Variants in MEIS2 observed in about 807,000 individuals in gnomAD.
MEIS2 encodes the protein homeobox protein Meis2.
MEIS2 carries 9 observed loss-of-function variants against 58.6 expected under a neutral mutation model. The observed-to-expected ratio is 0.15, with a 90% CI of 0.09 to 0.27. MEIS2 has a LOEUF of 0.27. Ranked by LOEUF, MEIS2 falls within the 10% of genes least tolerant of loss-of-function variation. The pLI, the probability that MEIS2 is intolerant of heterozygous loss-of-function variation, is 1.00. For synonymous variants in MEIS2, 221 were observed against 228.4 expected (o/e 0.97, Z 0.29); for missense variants, 427 against 635.0 (o/e 0.67, Z 3.52).
intron 8 of MEIS2, among the ~76,000 whole-genome samples, chr15:36,960,700 T>C (rs1238802888): frequency 1.3e-5 from 2 of 152,128 alleles, no homozygotes; most frequent in Non-Finnish European, 2.9e-5. Context: ...ACGAACACCC[T>C]AAGAAAGGCA....
rs563837365 is a variant in MEIS2 at position 36,981,043 on chromosome 15, T to C, written c.901-30643A>G. Among the ~76,000 whole-genome samples, 10 of 152,324 alleles carry C rather than the reference T, an allele frequency of 6.6e-5. No individual in the cohort carries two copies. In the East Asian group the frequency reaches 1.7e-3, roughly 26 times the overall value. On this transcript the variant is annotated intron_variant, in intron 8 of 11. Coordinates refer to ENST00000561208, the MANE Select transcript of MEIS2 (RefSeq NM_170675.5). ...TTCTCCTCAAAATCTTCTTTTAAGA[T>C]TCTGATGTGTAGATTGAGAAAAATT... is the stretch of plus-strand genomic sequence containing the variant.
Position 37,098,113 on chromosome 15 carries a change from G to C in MEIS2, c.99C>G (p.Ile33Met), listed in dbSNP as rs749233162. ...MYGDPHAPRP[I>M]PPVHHLNHGP... ...CGTGGTTCAGGTGGTGAACCGGGGG[G>C]ATCGGCCGCGGCGCGTGAGGGTCTC... Residue 33 changes from isoleucine to methionine, a missense_variant, in exon 2 of 12, where the codon ATC (isoleucine) becomes ATG (methionine). Ile to Met is a conservative substitution (Grantham distance 10). Coordinates refer to ENST00000561208, the MANE Select transcript of MEIS2 (RefSeq NM_170675.5). 3 of 1,613,536 alleles carry C rather than the reference G, an allele frequency of 1.9e-6. No homozygotes were observed. Among genetic ancestry groups the C allele is most frequent in the Non-Finnish European group, 2.5e-6 (3 of 1,179,920 alleles).
rs146946537 is a variant in MEIS2 at position 36,937,766 on chromosome 15, A to G, written c.977+12558T>C. On this transcript the variant is annotated intron_variant, in intron 9 of 11. Coordinates refer to ENST00000561208, the MANE Select transcript of MEIS2 (RefSeq NM_170675.5). ...AGGGATCAGGATGCTACAAAGAGAA[A>G]CAAACAAACAAAAAAAAACCATGAT... Among the ~76,000 whole-genome samples the G allele has an allele frequency of 8.1e-3, 1,226 of 152,216 alleles. 8 individuals carry two copies. Among genetic ancestry groups the G allele is most frequent in the Non-Finnish European group, 0.015 (1,014 of 68,018 alleles).
At chr15:36,934,555 G>A (rs1315078359) in intron 9 of MEIS2, among the ~76,000 whole-genome samples, 3 of 152,130 alleles carry the variant, frequency 2.0e-5, no homozygotes, top group East Asian at 1.9e-4. Flanking sequence ...ACCGTTCAAC[G>A]GGCACCTTTC....
At chr15:37,032,042 G>A (rs1049790368) in intron 8 of MEIS2, among the ~76,000 whole-genome samples, 1 of 152,086 alleles carries the variant, frequency 6.6e-6, no homozygotes, top group African/African-American at 2.4e-5. Context: ...ATCTCATTAT[G>A]TTGCCCAGGC....
intron 8 of MEIS2, among the ~76,000 whole-genome samples, chr15:37,028,114 A>G (rs1282238327): frequency 1.3e-5 from 2 of 152,244 alleles, no homozygotes; most frequent in South Asian, 2.1e-4. Flanking sequence ...TTTAAAATGT[A>G]TCTGCCAGTT....
chr15:37,047,756 T>C (rs149027309), intron 7 of MEIS2, among the ~76,000 whole-genome samples: 1 of 152,342 alleles, frequency 6.6e-6, no homozygotes, highest in Non-Finnish European at 1.5e-5. Context: ...GGATGTGTCT[T>C]CCCAATTTCA....
At chr15:37,085,112 G>A (rs1049698180) in intron 6 of MEIS2, among the ~76,000 whole-genome samples, 4 of 151,682 alleles carry the variant, frequency 2.6e-5, no homozygotes, top group East Asian at 1.9e-4. Flanking sequence ...TACACCAATC[G>A]AAGTATACAA....
intron 7 of MEIS2, among the ~76,000 whole-genome samples, chr15:37,070,187 G>C (rs1890513055): frequency 2.0e-5 from 3 of 152,154 alleles, no homozygotes; most frequent in Admixed American, 2.0e-4. Flanking sequence ...TACATGGAGA[G>C]CTGGGTTAAT....
intron 9 of MEIS2, among the ~76,000 whole-genome samples, chr15:36,934,923 T>A (rs1339666790): frequency 1.3e-5 from 2 of 152,218 alleles, no homozygotes; most frequent in Non-Finnish European, 2.9e-5. Context: ...GTGGGAATGT[T>A]AATATTATTC....
chr15:37,030,063 T>G (rs1182857107), intron 8 of MEIS2, among the ~76,000 whole-genome samples: 3 of 152,128 alleles, frequency 2.0e-5, no homozygotes, highest in African/African-American at 7.2e-5. Context: ...CAGCCTAGAC[T>G]TTCACACTCT....
intron 8 of MEIS2, among the ~76,000 whole-genome samples, chr15:37,030,973 T>C (rs1415660645): frequency 2.0e-5 from 3 of 152,206 alleles, no homozygotes; most frequent in Non-Finnish European, 4.4e-5. Flanking sequence ...ACCTGGTCTC[T>C]ACATCTCTAC....
intron 9 of MEIS2, among the ~76,000 whole-genome samples, chr15:36,922,420 G>T (rs1311166025): frequency 6.6e-6 from 1 of 151,656 alleles, no homozygotes; most frequent in Non-Finnish European, 1.5e-5. Context: ...TTTTGTGTGT[G>T]TGTTTGTTTG....
At position 36,891,629 on chromosome 15, in the gene MEIS2, G is replaced by A. The variant is rs958142595; in HGVS notation, c.*544C>T. On this transcript the variant is annotated 3_prime_UTR_variant, in exon 12 of 12. Transcript: ENST00000561208. ...CACATTTATGGAGGAACAAAGGCCG[G>A]GCATGAAAACACATTCTTGAAGCTG... is the stretch of plus-strand genomic sequence containing the variant. 3 of 155,470 alleles carry A rather than the reference G, an allele frequency of 1.9e-5. No individual in the cohort carries two copies. The highest frequency in any genetic ancestry group is 4.3e-5 in the Non-Finnish European group (3 of 69,860). 9.6% of individuals were successfully genotyped at this position (155,470 alleles called of 1,614,324 possible).
chr15:37,041,766 T>C (rs993660991), intron 7 of MEIS2, among the ~76,000 whole-genome samples: 6 of 152,104 alleles, frequency 3.9e-5, no homozygotes, highest in Non-Finnish European at 7.3e-5. Flanking sequence ...TAGACCAGGC[T>C]TAATAGTTAA....
intron 8 of MEIS2, among the ~76,000 whole-genome samples, chr15:36,981,511 C>T (rs2059927024): frequency 6.6e-6 from 1 of 151,942 alleles, no homozygotes; most frequent in South Asian, 2.1e-4. Context: ...ACTAGGGGTT[C>T]CTTATCCGAT....
intron 9 of MEIS2, among the ~76,000 whole-genome samples, chr15:36,949,481 T>C (rs1196997636): frequency 2.6e-5 from 4 of 152,054 alleles, no homozygotes; most frequent in Non-Finnish European, 5.9e-5. Flanking sequence ...CATTTGTAAA[T>C]ACAACCTCTG....
intron 9 of MEIS2, among the ~76,000 whole-genome samples, chr15:36,915,154 C>T (rs771729526): frequency 4.0e-5 from 6 of 150,646 alleles, no homozygotes; most frequent in African/African-American, 1.2e-4. Context: ...ATTTGTTTTG[C>T]AACTTCCCTT....
At chr15:37,022,281 A>AT (rs1242341681) in intron 8 of MEIS2, among the ~76,000 whole-genome samples, 25 of 152,198 alleles carry the variant, frequency 1.6e-4, no homozygotes, top group Admixed American at 5.9e-4. Context: ...AGATATTATA[A>AT]TTTTTTATTC....
Sources: gnomAD v4.1 joint callset for allele counts (sites outside exome capture counted in the v4.1 genomes callset) on GRCh38, gnomAD v4.1.1 for gene constraint, MANE v1.5 for transcripts, NCBI Gene and HGNC (gene_info 2026-07-23, HGNC 2026-07-21) for gene names.